The following SIRT7 variants were observed in gnomAD, a reference collection of about 807,000 sequenced individuals.
SIRT7 encodes sirtuin 7, also known as NAD-dependent protein deacetylase sirtuin-7.
A neutral mutation model predicts 42.8 loss-of-function variants in SIRT7; 32 were observed. The observed-to-expected ratio is 0.75, with a 90% confidence interval of 0.56 to 1.00. The LOEUF is 1.00. Ranked by LOEUF, SIRT7 falls within the 50% of genes least tolerant of loss-of-function variation. The probability of loss-of-function intolerance (pLI) is 0.00; values close to 1 mark genes in which losing one functional copy is unlikely to be tolerated. For synonymous variants in SIRT7, 297 were observed against 245.2 expected (o/e 1.21, Z -1.97); for missense variants, 553 against 572.2 (o/e 0.97, Z 0.34).
chr17:81,913,907 G>T lies in SIRT7; in HGVS notation c.898-27C>A. ...TGAGGACAGGGAAAGCCGAGTGAGA[G>T]TAACAGCAGCCCAACCCTTCCCGGT... On this transcript the variant is annotated intron_variant, in intron 8 of 9. Transcript: ENST00000328666. The surrounding 1 kb of genome is among the most constrained non-coding windows in gnomAD (Gnocchi z 5.0). The T allele has an allele frequency of 6.5e-7, 1 of 1,548,000 alleles. No individual in the cohort carries two copies. The highest frequency in any genetic ancestry group is 1.2e-5 in the South Asian group (1 of 84,460).
intron 3 of SIRT7, 49 bp downstream of exon 3, chr17:81,917,566 A>C: frequency 6.9e-7 from 1 of 1,459,846 alleles, no homozygotes; most frequent in Non-Finnish European, 9.2e-7. Flanking sequence ...TTTCGCGATT[A>C]CTGGAGCTCA....
rs781407219 is a variant in SIRT7 at position 81,917,655 on chromosome 17, G to A, written c.296C>T (p.Ala99Val). 6 of 1,608,136 alleles carry A rather than the reference G, an allele frequency of 3.7e-6. No homozygotes were observed. Among genetic ancestry groups the A allele is most frequent in the Admixed American group, 1.7e-5 (1 of 59,616 alleles). ...VRELASAVRN[A>V]KYLVVYTGAG... is the part of the protein sequence containing the mutation. ...GCCTGTGTAGACGACCAAGTATTTG[G>A]CGTTCCGGACGGCGCTGGCCAGCTC... is the stretch of plus-strand genomic sequence containing the variant. Residue 99 changes from alanine (A) to valine (V), a missense_variant, in exon 3 of 10, where the codon GCC (alanine) becomes GTC (valine). Coordinates refer to ENST00000328666, the MANE Select transcript of SIRT7 (RefSeq NM_016538.3).
At chr17:81,917,453 G>T (rs777841742) in intron 3 of SIRT7, 162 bp downstream of exon 3, 100 of 590,392 alleles carry the variant, frequency 1.7e-4, no homozygotes, top group Non-Finnish European at 2.5e-4. Context: ...TTAACTGGCT[G>T]TAACACAGAG....
At position 81,914,294 on chromosome 17, in the gene SIRT7, C is replaced by T. The variant is rs1157521798; in HGVS notation, c.816G>A (p.Lys272=). 12 of 1,613,016 alleles carry T rather than the reference C, an allele frequency of 7.4e-6. No homozygotes were observed. Among genetic ancestry groups the T allele is most frequent in the Non-Finnish European group, 1.0e-5 (12 of 1,179,972 alleles). ...CACTCATTGTGTCATCGGCACGTAC[C>T]TTCAGGCTGGACCCTAGACACAGGA... is the stretch of plus-strand genomic sequence containing the variant. ...DTILCLGSSL[K]VLKKYPRLWC... The change falls in exon 7 of 10, where the codon AAG becomes AAA. Residue 272 remains lysine (K), a splice_region_variant and synonymous_variant. Coordinates refer to ENST00000328666, the MANE Select transcript of SIRT7 (RefSeq NM_016538.3).
In SIRT7 at chr17:81,913,570, C is replaced by T; in HGVS notation, c.1004+204G>A. 1.7e-6 allele frequency: 1 copy of T among 576,210 alleles called. No homozygotes were observed. The highest frequency in any genetic ancestry group is 3.1e-6 in the Non-Finnish European group (1 of 321,450). The allele number at this position is 576,210 out of a possible 1,614,324, so 35.7% of individuals were successfully genotyped here. On this transcript the variant is annotated intron_variant, in intron 9 of 9. Coordinates refer to ENST00000328666, the MANE Select transcript of SIRT7 (RefSeq NM_016538.3). The surrounding 1 kb of genome is among the most constrained non-coding windows in gnomAD (Gnocchi z 5.0). ...CTCCCCGCGGGGATTGTGTGTGCCA[C>T]ATCAGCCAGGGCAGGAGTGGCACAC...
chr17:81,914,556 G>T, intron 6 of SIRT7, 26 bp from the exon 7 acceptor site: 1 of 1,612,638 alleles, frequency 6.2e-7, no homozygotes, highest in Non-Finnish European at 8.5e-7. Flanking sequence ...CACAGTGAGT[G>T]GGACCCGCCT....
intron 9 of SIRT7, 40 bp from the exon 10 acceptor site, chr17:81,912,654 C>T (rs1005624018): frequency 6.3e-7 from 1 of 1,583,182 alleles, no homozygotes; most frequent in East Asian, 2.3e-5. Context: ...GGCCTGGGAG[C>T]CTCTCGCAGT....
rs771970056 is a variant in SIRT7, at chr17:81,914,185, C to T, written c.817-18G>A. 1 of 1,613,574 alleles carries T rather than the reference C, an allele frequency of 6.2e-7. No homozygotes were observed. Among genetic ancestry groups the T allele is most frequent in the East Asian group, 2.2e-5 (1 of 44,888 alleles). On this transcript the variant is annotated intron_variant, in intron 7 of 9. Transcript: ENST00000328666. Reference sequence around the variant, plus strand: ...TTTAGAACCTGTGGAAGCAGACAGACAGACACCGCACACACACAAGGGACA... The same window carrying T: ...TTTAGAACCTGTGGAAGCAGACAGATAGACACCGCACACACACAAGGGACA...
rs376709642 is a variant in SIRT7, at chr17:81,913,054, G to A, written c.1005-440C>T. On this transcript the variant is annotated intron_variant, in intron 9 of 9. Coordinates refer to ENST00000328666, the MANE Select transcript of SIRT7 (RefSeq NM_016538.3). This position sits in a 1 kb window ranked among gnomAD's most constrained non-coding sequence, Gnocchi z 5.0. ...GGAGGCGTGGCCTACAGACGACCCC[G>A]TGAAGAAAGCATGTGTCTGACGGAG... The A allele has an allele frequency of 5.6e-6, 2 of 354,202 alleles. No homozygotes were observed. The highest frequency in any genetic ancestry group is 2.2e-5 in the South Asian group (1 of 44,688). 21.9% of individuals were successfully genotyped at this position (354,202 alleles called of 1,614,324 possible).
In SIRT7 at chr17:81,914,375, C is replaced by G; in HGVS notation, c.735G>C (p.Leu245Phe). ...CCGCTTCCCAGTTCAAAGGCTGCCCCAACGTCCCCCTCTCCCCAAAGTGCA... is the reference window on the plus strand; with the variant it reads ...CCGCTTCCCAGTTCAAAGGCTGCCCGAACGTCCCCCTCTCCCCAAAGTGCA... ...TIVHFGERGT[L>F]GQPLNWEAAT... The change falls in exon 7 of 10, where the codon TTG becomes TTC. Residue 245 changes from leucine to phenylalanine, a missense_variant. Physicochemically the swap from Leu to Phe is conservative, Grantham distance 22. Coordinates refer to ENST00000328666, the MANE Select transcript of SIRT7 (RefSeq NM_016538.3). 2 of 1,613,064 alleles carry G rather than the reference C, an allele frequency of 1.2e-6. No homozygotes were observed. The highest frequency in any genetic ancestry group is 1.7e-6 in the Non-Finnish European group (2 of 1,180,000).
In SIRT7 at chr17:81,913,444, C is replaced by T; in HGVS notation, c.1004+330G>A. ...AACCAAGCACACAGATTCTGTCTGA[C>T]CAGAGCTGCCGAGTGCTCGTCCCCT... On this transcript the variant is annotated intron_variant, in intron 9 of 9. Coordinates refer to ENST00000328666, the MANE Select transcript of SIRT7 (RefSeq NM_016538.3). This position sits in a 1 kb window ranked among gnomAD's most constrained non-coding sequence, Gnocchi z 5.0. The T allele has an allele frequency of 2.5e-5, 11 of 441,842 alleles. 1 individual carries two copies. The highest frequency in any genetic ancestry group is 2.0e-4 in the South Asian group (11 of 53,698). 27.4% of individuals were successfully genotyped at this position (441,842 alleles called of 1,614,324 possible).
At position 81,914,476 on chromosome 17, in the gene SIRT7, C is replaced by T. The variant is rs1470093607; in HGVS notation, c.634G>A (p.Glu212Lys). The T allele has an allele frequency of 6.2e-7, 1 of 1,613,172 alleles. No homozygotes were observed. Among genetic ancestry groups the T allele is most frequent in the East Asian group, 2.2e-5 (1 of 44,886 alleles). The part of the protein sequence containing the change: ...REYVRVFDVT[E>K]RTALHRHQTG... ...TGGTGTCTGTGGAGGGCAGTGCGCTCCGTCACATCGAACACCCGCACGTAC... is the reference window on the plus strand; with the variant it reads ...TGGTGTCTGTGGAGGGCAGTGCGCTTCGTCACATCGAACACCCGCACGTAC... The change falls in exon 7 of 10, where the codon GAG (glutamate) becomes AAG (lysine). Residue 212 changes from glutamate to lysine, a missense_variant. Transcript: ENST00000328666.
Position 81,913,969 on chromosome 17 carries a change from G to A in SIRT7, c.898-89C>T. On this transcript the variant is annotated intron_variant, in intron 8 of 9. Coordinates refer to ENST00000328666, the MANE Select transcript of SIRT7 (RefSeq NM_016538.3). The surrounding 1 kb of genome is among the most constrained non-coding windows in gnomAD (Gnocchi z 5.0). ...CTTGGCCCCTACGGGCTCAGTCGGT[G>A]CTCCCTGAGCACCCACGGGGGCCCT... 6.5e-7 allele frequency: 1 copy of A among 1,539,120 alleles called. No individual in the cohort carries two copies. Among genetic ancestry groups the A allele is most frequent in the Non-Finnish European group, 8.9e-7 (1 of 1,126,292 alleles).
At position 81,914,285 on chromosome 17, in the gene SIRT7, G is replaced by T. The variant is rs199842246; in HGVS notation, c.816+9C>A. 6.2e-7 allele frequency: 1 copy of T among 1,612,940 alleles called. No individual in the cohort carries two copies. Among genetic ancestry groups the T allele is most frequent in the African/African-American group, 1.3e-5 (1 of 75,030 alleles). On this transcript the variant is annotated intron_variant, in intron 7 of 9. Coordinates refer to ENST00000328666, the MANE Select transcript of SIRT7 (RefSeq NM_016538.3). Reference sequence around the variant, plus strand: ...GGCTCGGTTCACTCATTGTGTCATCGGCACGTACCTTCAGGCTGGACCCTA... The same window carrying T: ...GGCTCGGTTCACTCATTGTGTCATCTGCACGTACCTTCAGGCTGGACCCTA...
intron 5 of SIRT7, 86 bp from the exon 6 acceptor site, chr17:81,914,788 G>C: frequency 5.4e-6 from 6 of 1,104,156 alleles, no homozygotes; most frequent in Non-Finnish European, 8.1e-6. Context: ...AGGCTGTTCT[G>C]AGCCCCGCCG....
chr17:81,914,755 G>A, intron 5 of SIRT7, 53 bp from the exon 6 acceptor site: 2 of 1,472,270 alleles, frequency 1.4e-6, no homozygotes, highest in Non-Finnish European at 1.9e-6. Flanking sequence ...TGGTGGTGGG[G>A]AGGTCAGTAC....
chr17:81,913,846 A>G lies in SIRT7; in HGVS notation c.932T>C (p.Leu311Pro), dbSNP rs1424266879. The change falls in exon 9 of 10, where the codon CTA (leucine) becomes CCA (proline). Residue 311 changes from leucine (L) to proline (P), a missense_variant. Coordinates refer to ENST00000328666, the MANE Select transcript of SIRT7 (RefSeq NM_016538.3). This position sits in a 1 kb window ranked among gnomAD's most constrained non-coding sequence, Gnocchi z 5.0. ...CATGACGTCATCACACTTCCCATGT[A>G]GCTTCAGGGCAGCCCAGTCATCCTT... ...TPKDDWAALK[L>P]HGKCDDVMRL... 1 of 1,551,182 alleles carries G rather than the reference A, an allele frequency of 6.4e-7. No individual in the cohort carries two copies. The highest frequency in any genetic ancestry group is 2.0e-5 in the Admixed American group (1 of 51,122).
At position 81,912,157 on chromosome 17, in the gene SIRT7, A is replaced by T; in HGVS notation, c.*259T>A. On this transcript the variant is annotated 3_prime_UTR_variant, in exon 10 of 10. Coordinates refer to ENST00000328666, the MANE Select transcript of SIRT7 (RefSeq NM_016538.3). ...TGCAGGCCGGGGCTGAAATAACCCG[A>T]GTTCCGTTCTCACAGAAAGGTGCGG... 1 of 548,354 alleles carries T rather than the reference A, an allele frequency of 1.8e-6. No individual in the cohort carries two copies. Among genetic ancestry groups the T allele is most frequent in the Non-Finnish European group, 3.3e-6 (1 of 306,306 alleles). The allele number at this position is 548,354 out of a possible 1,614,324, so 34.0% of individuals were successfully genotyped here.
At chr17:81,912,828 G>A (rs532422091) in intron 9 of SIRT7, 8 of 618,500 alleles carry the variant, frequency 1.3e-5, no homozygotes, top group African/African-American at 5.5e-5. Context: ...CTCAAAGGTC[G>A]GCACCCACAC....
Sources: gnomAD v4.1 joint callset for allele counts on GRCh38, gnomAD v4.1.1 for gene constraint, Gnocchi (gnomAD v3.1) non-coding constraint, MANE v1.5 for transcripts, NCBI Gene and HGNC (gene_info 2026-07-23, HGNC 2026-07-21) for gene names.